Variants in KCNQ3 observed in about 807,000 individuals in gnomAD.
KCNQ3 encodes the protein potassium voltage-gated channel subfamily Q member 3.
A neutral mutation model predicts 92.5 loss-of-function variants in KCNQ3; 30 were observed. The observed-to-expected ratio is 0.32, with a 90% confidence interval of 0.24 to 0.44. KCNQ3 has a LOEUF of 0.44. Ranked by LOEUF, KCNQ3 falls within the 20% of genes least tolerant of loss-of-function variation. The pLI is 1.00. For synonymous variants in KCNQ3, 450 were observed against 468.8 expected, an observed-to-expected ratio of 0.96 and a Z score of 0.52; for missense variants, 913 against 1,140.3, an observed-to-expected ratio of 0.80 and a Z score of 2.87.
rs574503837 is a variant in KCNQ3, at chr8:132,393,740, G to A, written c.386+86407C>T. ...GGACTGTTATTCCTCATTTAGAGGT[G>A]AAAGGACAGAGGATAAAGGAGTTTC... is the stretch of plus-strand genomic sequence containing the variant. On this transcript the variant is annotated intron_variant, in intron 1 of 14. Coordinates refer to ENST00000388996, the MANE Select transcript of KCNQ3 (RefSeq NM_004519.4). 7.2e-5 allele frequency among the ~76,000 whole-genome samples: 11 copies of A among 152,306 alleles called. No individual in the cohort carries two copies. The South Asian group carries it at 2.3e-3, about 32-fold the overall frequency.
intron 1 of KCNQ3, among the ~76,000 whole-genome samples, chr8:132,244,078 G>T (rs1404210770): frequency 6.6e-6 from 1 of 152,088 alleles, no homozygotes; most frequent in African/African-American, 2.4e-5. Flanking sequence ...GAGGCCCCTG[G>T]TCCTCCTACA....
Position 132,129,652 on chromosome 8 carries a change from C to T in KCNQ3, c.2229G>A (p.Glu743=), listed in dbSNP as rs2130923440. The stretch of plus-strand genomic sequence containing the variant: ...TCAAGATAGGCAGGACCGTGGGCCT[C>T]TCCACATACGTTGTTGCTGAGGAAG... ...TPPSSATTYV[E]RPTVLPILTL... Residue 743 remains glutamate (E), a synonymous_variant, in exon 15 of 15, where the codon GAG becomes GAA. Coordinates refer to ENST00000388996, the MANE Select transcript of KCNQ3 (RefSeq NM_004519.4). The surrounding 1 kb of genome is among the most constrained non-coding windows in gnomAD (Gnocchi z 5.9). 6.2e-7 allele frequency: 1 copy of T among 1,614,178 alleles called. No individual in the cohort carries two copies. The highest frequency in any genetic ancestry group is 1.1e-5 in the South Asian group (1 of 91,074).
chr8:132,325,123 G>A (rs1414291391), intron 1 of KCNQ3, among the ~76,000 whole-genome samples: 1 of 152,100 alleles, frequency 6.6e-6, no homozygotes, highest in Admixed American at 6.6e-5. Flanking sequence ...CCCACATGGT[G>A]ATAGGCTGGC....
intron 1 of KCNQ3, among the ~76,000 whole-genome samples, chr8:132,235,939 G>T (rs1448924272): frequency 6.6e-6 from 1 of 152,206 alleles, no homozygotes. Flanking sequence ...ACATGACTTG[G>T]CATGTGCTCT....
chr8:132,269,145 T>C (rs998085447), intron 1 of KCNQ3, among the ~76,000 whole-genome samples: 5 of 152,234 alleles, frequency 3.3e-5, no homozygotes, highest in Non-Finnish European at 5.9e-5. Flanking sequence ...CTTGTGCAAA[T>C]CAGACAGTCT....
At chr8:132,427,188 G>A (rs1031382988) in intron 1 of KCNQ3, among the ~76,000 whole-genome samples, 1 of 152,206 alleles carries the variant, frequency 6.6e-6, no homozygotes, top group Admixed American at 6.5e-5. Context: ...CCATGGGCAG[G>A]GGTGTGGGCC....
rs566828538 is a variant in KCNQ3 at position 132,374,332 on chromosome 8, G to C, written c.386+105815C>G. On this transcript the variant is annotated intron_variant, in intron 1 of 14. Coordinates refer to ENST00000388996, the MANE Select transcript of KCNQ3 (RefSeq NM_004519.4). ...CCAGCACCAGGCACCTCAGGAAATG[G>C]TGACTCACTTCTAGAACAGAGAGCA... Among the ~76,000 whole-genome samples the C allele has an allele frequency of 7.2e-5, 11 of 152,254 alleles. No homozygotes were observed. The East Asian group carries it at 2.1e-3, about 30-fold the overall frequency.
chr8:132,168,045 A>G (rs1053318836), intron 8 of KCNQ3, among the ~76,000 whole-genome samples: 2 of 152,264 alleles, frequency 1.3e-5, no homozygotes, highest in Non-Finnish European at 2.9e-5. Flanking sequence ...AAGTCTAGTT[A>G]CAAGTAAGTA....
chr8:132,340,288 T>A (rs1818488953), intron 1 of KCNQ3, among the ~76,000 whole-genome samples: 1 of 152,148 alleles, frequency 6.6e-6, no homozygotes, highest in African/African-American at 2.4e-5. Context: ...TATAAATCAT[T>A]CTACTATAAG....
chr8:132,314,820 G>T (rs555627614), intron 1 of KCNQ3, among the ~76,000 whole-genome samples: 1 of 152,270 alleles, frequency 6.6e-6, no homozygotes, highest in Admixed American at 6.5e-5. Flanking sequence ...ATGTTTGAGA[G>T]AAGTCTTAAA....
chr8:132,310,836 C>T (rs16904652), intron 1 of KCNQ3, among the ~76,000 whole-genome samples: 2,017 of 152,034 alleles, frequency 0.013, 131 homozygotes, highest in Admixed American at 0.095. Flanking sequence ...AAAAATTCTG[C>T]GTGGTTTATT....
At chr8:132,230,479 G>T (rs1392617636) in intron 1 of KCNQ3, among the ~76,000 whole-genome samples, 1 of 132,756 alleles carries the variant, frequency 7.5e-6, no homozygotes, top group Non-Finnish European at 1.6e-5. Context: ...GAGAGAGAGA[G>T]AGAAAATCCT....
intron 1 of KCNQ3, among the ~76,000 whole-genome samples, chr8:132,214,457 C>A (rs187609670): frequency 2.0e-5 from 3 of 152,210 alleles, no homozygotes; most frequent in African/African-American, 7.2e-5. Context: ...CAATAACTGT[C>A]GTATAATAGA....
chr8:132,442,904 C>T (rs1414146329), intron 1 of KCNQ3, among the ~76,000 whole-genome samples: 21 of 152,180 alleles, frequency 1.4e-4, no homozygotes, highest in Admixed American at 1.3e-3. Flanking sequence ...ACTGACAACA[C>T]CCAGCCCCTT....
chr8:132,185,415 A>G (rs181931175), intron 2 of KCNQ3, among the ~76,000 whole-genome samples: 1 of 152,342 alleles, frequency 6.6e-6, no homozygotes, highest in Admixed American at 6.5e-5. Context: ...TCCTGTGGCT[A>G]CAGAAGGAGC....
chr8:132,286,570 G>A (rs993848554), intron 1 of KCNQ3, among the ~76,000 whole-genome samples: 6 of 152,180 alleles, frequency 3.9e-5, no homozygotes, highest in African/African-American at 1.4e-4. Flanking sequence ...AGTCTCAGAT[G>A]AGACTTTGGA....
At chr8:132,375,587 G>A (rs994471632) in intron 1 of KCNQ3, among the ~76,000 whole-genome samples, 1 of 152,140 alleles carries the variant, frequency 6.6e-6, no homozygotes, top group Admixed American at 6.5e-5. Flanking sequence ...ATGGAGAAAG[G>A]GCAAACCACA....
chr8:132,242,133 T>A (rs982653289), intron 1 of KCNQ3, among the ~76,000 whole-genome samples: 1 of 152,216 alleles, frequency 6.6e-6, no homozygotes, highest in African/African-American at 2.4e-5. Flanking sequence ...TTGAGTCATG[T>A]CGAATGGCAA....
chr8:132,348,327 G>A (rs905646848), intron 1 of KCNQ3, among the ~76,000 whole-genome samples: 6 of 152,160 alleles, frequency 3.9e-5, no homozygotes, highest in Non-Finnish European at 4.4e-5. Flanking sequence ...GCAACAGACG[G>A]TTTGCTGGAC....
Sources: gnomAD v4.1 joint callset for allele counts (sites outside exome capture counted in the v4.1 genomes callset) on GRCh38, gnomAD v4.1.1 for gene constraint, Gnocchi (gnomAD v3.1) non-coding constraint, MANE v1.5 for transcripts, NCBI Gene and HGNC (gene_info 2026-07-23, HGNC 2026-07-21) for gene names.